Variants in NLRP2 observed in about 807,000 individuals in gnomAD.
NLRP2 encodes the protein NLR family pyrin domain containing 2.
NLRP2 carries 107 observed loss-of-function variants against 97.2 expected under a neutral mutation model. That is an observed-to-expected ratio of 1.10 (90% CI 0.94 to 1.29). The LOEUF (loss-of-function observed/expected upper bound fraction) is 1.29. Among genes scored for constraint, NLRP2 ranks in the 50% most tolerant of loss-of-function variants. The probability of loss-of-function intolerance (pLI) is 0.00; values close to 1 mark genes in which losing one functional copy is unlikely to be tolerated. For missense variants in NLRP2, 1,495 were observed against 1,330.3 expected, an observed-to-expected ratio of 1.12 and a Z score of -1.93; for synonymous variants, 663 against 551.5, an observed-to-expected ratio of 1.20 and a Z score of -2.83.
rs982307011 is a variant in NLRP2 at position 54,994,545 on chromosome 19, G to A, written c.2879+106G>A. 9.6e-6 allele frequency: 11 copies of A among 1,150,854 alleles called. 1 individual carries two copies. The highest frequency in any genetic ancestry group is 1.4e-5 in the Non-Finnish European group (11 of 762,694). The allele number at this position is 1,150,854 out of a possible 1,614,324, so 71.3% of individuals were successfully genotyped here. On this transcript the variant is annotated intron_variant, in intron 11 of 12. Transcript: ENST00000448584. ...ACTTCCCAAGTTATATAATTGAGAG[G>A]ACCTTTATAGAGTCGATCGAGCATT...
At position 54,970,428 on chromosome 19, in the gene NLRP2, A is replaced by AC. The variant is rs1288095090; in HGVS notation, c.280+135dup. 5.0e-6 allele frequency: 5 copies of AC among 993,490 alleles called. No individual in the cohort carries two copies. In the Admixed American group the frequency reaches 9.7e-5, roughly 19 times the overall value. 61.5% of individuals were successfully genotyped at this position (993,490 alleles called of 1,614,324 possible). On this transcript the variant is annotated intron_variant, in intron 2 of 12. Transcript: ENST00000448584. ...CCCTTTGGGAGGCTGAGGCGGTTGG[A>AC]CCACCTGAGGGTCAGGAGTTTGAGA...
At chr19:54,999,617 C>G (rs1035870858) in intron 12 of NLRP2, among the ~76,000 whole-genome samples, 5 of 151,780 alleles carry the variant, frequency 3.3e-5, no homozygotes, top group African/African-American at 1.2e-4. Flanking sequence ...GGCTATATAC[C>G]ATTACAAGGT....
chr19:54,974,650 G>A (rs2071082858), intron 3 of NLRP2, 106 bp downstream of exon 3: 1 of 864,396 alleles, frequency 1.2e-6, no homozygotes. Context: ...AGAAATGCCG[G>A]ACTTAGCATC....
chr19:54,997,751 G>A (rs891389906), intron 12 of NLRP2, among the ~76,000 whole-genome samples: 20 of 151,146 alleles, frequency 1.3e-4, no homozygotes, highest in South Asian at 4.2e-4. Flanking sequence ...AACCGCACCC[G>A]GCCACCTTTT....
At chr19:54,987,116 C>G (rs1444181902) in intron 8 of NLRP2, among the ~76,000 whole-genome samples, 2 of 151,474 alleles carry the variant, frequency 1.3e-5, no homozygotes, top group East Asian at 2.0e-4. Flanking sequence ...AACTCATGAC[C>G]TCAGGTGATC....
At chr19:55,000,608 AAATC>A in intron 12 of NLRP2, 148 bp from the exon 13 acceptor site, 4 of 737,032 alleles carry the variant, frequency 5.4e-6, no homozygotes, top group Admixed American at 2.9e-5. Flanking sequence ...AAAAAAAAAA[AAATC>A]AATGTGGAAC....
chr19:54,985,123 G>T lies in NLRP2; in HGVS notation c.2107G>T (p.Gly703Cys). The change falls in exon 7 of 13, where the codon GGT becomes TGT. Residue 703 changes from glycine (G) to cysteine (C), a missense_variant. Gly to Cys is a radical substitution (Grantham distance 159, BLOSUM62 -3). Coordinates refer to ENST00000448584, the MANE Select transcript of NLRP2 (RefSeq NM_017852.5). ...ATTTGGATCAAATAAGGATCTGATGGGTCTAGCAATCAATGATAGCTTTCT... is the reference window on the plus strand; with the variant it reads ...ATTTGGATCAAATAAGGATCTGATGTGTCTAGCAATCAATGATAGCTTTCT... Reference protein sequence around the residue: ...SIFGSNKDLMGLAINDSFLSA... With the variant: ...SIFGSNKDLMCLAINDSFLSA... The T allele has an allele frequency of 6.2e-7, 1 of 1,614,040 alleles. No individual in the cohort carries two copies.
chr19:54,999,608 G>C (rs1156447743), intron 12 of NLRP2, among the ~76,000 whole-genome samples: 2 of 151,976 alleles, frequency 1.3e-5, no homozygotes, highest in Admixed American at 6.6e-5. Flanking sequence ...CTGCACAATG[G>C]CTATATACCA....
chr19:54,978,159 A>T (rs1035621329), intron 4 of NLRP2, among the ~76,000 whole-genome samples: 1 of 151,984 alleles, frequency 6.6e-6, no homozygotes, highest in Admixed American at 6.6e-5. Context: ...CCCAGGTTCA[A>T]GCGATTCTCC....
intron 12 of NLRP2, among the ~76,000 whole-genome samples, chr19:55,000,286 T>TGAGA: frequency 1.2e-5 from 1 of 84,770 alleles, no homozygotes; most frequent in African/African-American, 5.1e-5. Flanking sequence ...TTTTTTTTTT[T>TGAGA]TTTTTTTTTT....
intron 2 of NLRP2, among the ~76,000 whole-genome samples, chr19:54,973,002 A>G (rs1044092381): frequency 6.6e-6 from 1 of 151,932 alleles, no homozygotes; most frequent in Non-Finnish European, 1.5e-5. Context: ...CAGTCAGGCC[A>G]ATGTGGTGAA....
At chr19:54,998,904 C>G (rs543072362) in intron 12 of NLRP2, among the ~76,000 whole-genome samples, 1 of 151,726 alleles carries the variant, frequency 6.6e-6, no homozygotes, top group East Asian at 1.9e-4. Flanking sequence ...ATCCGTTTAA[C>G]TCTGAGTGGA....
In NLRP2 at chr19:54,982,218, A is replaced by C. The variant is rs755745718; in HGVS notation, c.520A>C (p.Ser174Arg). The C allele has an allele frequency of 6.2e-7, 1 of 1,614,168 alleles. No individual in the cohort carries two copies. Among genetic ancestry groups the C allele is most frequent in the Non-Finnish European group, 8.5e-7 (1 of 1,180,032 alleles). ...LKTKFREMWKSWPGDSKEVQV... is the reference protein window; with the variant it reads ...LKTKFREMWKRWPGDSKEVQV... Reference sequence around the variant, plus strand: ...GACGAAGTTCCGGGAGATGTGGAAGAGCTGGCCTGGAGATAGCAAAGAGGT... The same window carrying C: ...GACGAAGTTCCGGGAGATGTGGAAGCGCTGGCCTGGAGATAGCAAAGAGGT... The change falls in exon 6 of 13, where the codon AGC (serine) becomes CGC (arginine). Residue 174 changes from serine to arginine, a missense_variant. Transcript: ENST00000448584.
chr19:54,974,649 G>A (rs550090449), intron 3 of NLRP2, 105 bp downstream of exon 3: 36 of 869,092 alleles, frequency 4.1e-5, no homozygotes, highest in Middle Eastern at 2.2e-4. Context: ...AAGAAATGCC[G>A]GACTTAGCAT....
Position 54,973,838 on chromosome 19 carries a change from C to T in NLRP2, c.281-662C>T, listed in dbSNP as rs986953797. 6.4e-5 allele frequency: 40 copies of T among 622,722 alleles called. No homozygotes were observed. In the East Asian group the frequency reaches 9.0e-4, roughly 14 times the overall value. The allele number at this position is 622,722 out of a possible 1,614,324, so 38.6% of individuals were successfully genotyped here. ...AGACATGGTGAATGTTCCTGAAACC[C>T]GCCGGACTTTCTGTAAGAAGTGTGG... On this transcript the variant is annotated intron_variant, in intron 2 of 12. Coordinates refer to ENST00000448584, the MANE Select transcript of NLRP2 (RefSeq NM_017852.5).
rs2072901232 is a variant in NLRP2 at position 54,997,507 on chromosome 19, C to G, written c.3050+20C>G. On this transcript the variant is annotated intron_variant, in intron 12 of 12. Coordinates refer to ENST00000448584, the MANE Select transcript of NLRP2 (RefSeq NM_017852.5). ...ACTCAGGTATGATCCATTTACTTCC[C>G]CATCAGGCTTTCTCCAGAGTGGTAG... The G allele has an allele frequency of 6.2e-7, 1 of 1,613,830 alleles. No individual in the cohort carries two copies. The highest frequency in any genetic ancestry group is 1.7e-5 in the Admixed American group (1 of 60,006).
intron 5 of NLRP2, 145 bp from the exon 6 acceptor site, chr19:54,982,017 A>T: frequency 2.1e-6 from 2 of 964,768 alleles, no homozygotes; most frequent in South Asian, 2.7e-5. Context: ...ATGTCAGGTG[A>T]TCTGCCTGCC....
At chr19:54,978,810 G>A (rs1299392334) in intron 4 of NLRP2, among the ~76,000 whole-genome samples, 3 of 148,786 alleles carry the variant, frequency 2.0e-5, no homozygotes, top group Non-Finnish European at 4.4e-5. Flanking sequence ...TTGTGCCACT[G>A]CACTCCAGCC....
intron 5 of NLRP2, 72 bp from the exon 6 acceptor site, chr19:54,982,090 T>C: frequency 6.3e-7 from 1 of 1,590,594 alleles, no homozygotes; most frequent in South Asian, 1.1e-5. Flanking sequence ...CACAAGGCAT[T>C]TTGTTATTTT....
Sources: gnomAD v4.1 joint callset for allele counts (sites outside exome capture counted in the v4.1 genomes callset) on GRCh38, gnomAD v4.1.1 for gene constraint, MANE v1.5 for transcripts, NCBI Gene and HGNC (gene_info 2026-07-23, HGNC 2026-07-21) for gene names.